Variants in KIF13A observed in about 807,000 individuals in gnomAD.
The protein encoded by KIF13A is kinesin family member 13A, also known as kinesin-like protein KIF13A.
KIF13A carries 79 observed loss-of-function variants against 212.2 expected under a neutral mutation model. That is an observed-to-expected ratio of 0.37 (90% CI 0.31 to 0.45). The LOEUF (loss-of-function observed/expected upper bound fraction) is 0.45. Ranked by LOEUF, KIF13A falls within the 20% of genes least tolerant of loss-of-function variation. KIF13A has a pLI of 1.00. For synonymous variants in KIF13A, 789 were observed against 808.6 expected (o/e 0.98, Z 0.41); for missense variants, 1,901 against 2,209.0 (o/e 0.86, Z 2.79).
intron 17 of KIF13A, among the ~76,000 whole-genome samples, chr6:17,814,449 A>G (rs894289176): frequency 4.9e-5 from 7 of 142,474 alleles, no homozygotes; most frequent in Non-Finnish European, 1.1e-4. Context: ...GGGTTTCACC[A>G]TCTTGGCCAG....
chr6:17,830,184 C>T (rs1268440896), intron 13 of KIF13A, among the ~76,000 whole-genome samples: 1 of 152,162 alleles, frequency 6.6e-6, no homozygotes, highest in Non-Finnish European at 1.5e-5. Context: ...CTGAGAACCC[C>T]CGGGGTCTCT....
intron 25 of KIF13A, among the ~76,000 whole-genome samples, chr6:17,790,258 A>C (rs759628449): frequency 6.6e-6 from 1 of 152,120 alleles, no homozygotes; most frequent in Non-Finnish European, 1.5e-5. Flanking sequence ...TTAAAAAATT[A>C]GCTGGATTTG....
At chr6:17,978,476 T>C (rs1780781245) in intron 2 of KIF13A, among the ~76,000 whole-genome samples, 1 of 152,216 alleles carries the variant, frequency 6.6e-6, no homozygotes, top group Non-Finnish European at 1.5e-5. Context: ...ATTACATCCT[T>C]TGTTGATAGC....
In KIF13A at chr6:17,811,857, CTCTT is replaced by C. The variant is rs775384711; in HGVS notation, c.2001-2931_2001-2928del. Among the ~76,000 whole-genome samples, 40 of 150,936 alleles carry C rather than the reference CTCTT, an allele frequency of 2.7e-4. No individual in the cohort carries two copies. The highest frequency in any genetic ancestry group is 5.2e-4 in the Non-Finnish European group (35 of 67,798). ...TTTTTCTTTCTTTCCTTCTCTCTCTCTCTTTTTCTTGGAGATAGGGTCTCCCTGT... is the reference window on the plus strand; with the variant it reads ...TTTTTCTTTCTTTCCTTCTCTCTCTCTTTCTTGGAGATAGGGTCTCCCTGT... On this transcript the variant is annotated intron_variant, in intron 17 of 38. Transcript: ENST00000259711. The surrounding 1 kb of genome is among the most constrained non-coding windows in gnomAD (Gnocchi z 6.0).
intron 38 of KIF13A, among the ~76,000 whole-genome samples, chr6:17,770,003 C>T (rs970888978): frequency 2.6e-5 from 4 of 152,136 alleles, no homozygotes; most frequent in Non-Finnish European, 5.9e-5. Context: ...CTTCTTTCTT[C>T]ACATTAGGAA....
chr6:17,938,678 G>GT (rs1776685317), intron 2 of KIF13A, among the ~76,000 whole-genome samples: 2 of 152,198 alleles, frequency 1.3e-5, no homozygotes, highest in South Asian at 4.1e-4. Context: ...TCAGAATCTA[G>GT]TATTTCGTTT....
chr6:17,937,746 G>GTTTTTTTTT (rs11401933), intron 2 of KIF13A, among the ~76,000 whole-genome samples: 1 of 135,694 alleles, frequency 7.4e-6, no homozygotes, highest in African/African-American at 2.8e-5. Context: ...TTCCTTTTTT[G>GTTTTTTTTT]TTTTTTTTTT....
rs534549617 is a variant in KIF13A, at chr6:17,794,047, C to A, written c.3222+202G>T. On this transcript the variant is annotated intron_variant, in intron 25 of 38. Transcript: ENST00000259711. The surrounding 1 kb of genome is among the most constrained non-coding windows in gnomAD (Gnocchi z 4.1). ...TAATGACTACTATAGCATTAGGATG[C>A]GTGTGTTTATAAATAAAATTATTAT... 6.6e-6 allele frequency among the ~76,000 whole-genome samples: 1 copy of A among 151,996 alleles called. No homozygotes were observed. Among genetic ancestry groups the A allele is most frequent in the Non-Finnish European group, 1.5e-5 (1 of 68,006 alleles).
At chr6:17,835,195 CAAAAAAAAAAAAAAAAAA>C (rs61697144) in intron 11 of KIF13A, among the ~76,000 whole-genome samples, 207 of 45,904 alleles carry the variant, frequency 4.5e-3, no homozygotes, top group Non-Finnish European at 6.1e-3. Context: ...CCGCCCCCGC[CAAAAAAAAAAAAAAAAAA>C]AAAAAAAAAA....
chr6:17,849,328 C>A lies in KIF13A; in HGVS notation c.830+49G>T. 1 of 1,331,808 alleles carries A rather than the reference C, an allele frequency of 7.5e-7. No homozygotes were observed. Among genetic ancestry groups the A allele is most frequent in the Non-Finnish European group, 1.1e-6 (1 of 939,424 alleles). The allele number at this position is 1,331,808 out of a possible 1,614,324, so 82.5% of individuals were successfully genotyped here. The stretch of plus-strand genomic sequence containing the variant: ...ATCTGACCCTCATAATGCAACAAAT[C>A]CCCTCCAGAAGGAAATCACCCAGGC... On this transcript the variant is annotated intron_variant, in intron 9 of 38. Coordinates refer to ENST00000259711, the MANE Select transcript of KIF13A (RefSeq NM_022113.6). The surrounding 1 kb of genome is among the most constrained non-coding windows in gnomAD (Gnocchi z 5.7).
intron 9 of KIF13A, among the ~76,000 whole-genome samples, chr6:17,842,000 CGT>C (rs56396263): frequency 0.13 from 18,263 of 143,448 alleles, 1,183 homozygotes; most frequent in Middle Eastern, 0.15. Flanking sequence ...TATACACATA[CGT>C]GTGTGTGTGT....
At position 17,828,459 on chromosome 6, in the gene KIF13A, C is replaced by T; in HGVS notation, c.1402-89G>A. 7 of 1,077,414 alleles carry T rather than the reference C, an allele frequency of 6.5e-6. No individual in the cohort carries two copies. Among genetic ancestry groups the T allele is most frequent in the Non-Finnish European group, 9.2e-6 (7 of 758,658 alleles). 66.7% of individuals were successfully genotyped at this position (1,077,414 alleles called of 1,614,324 possible). A position where few individuals can be genotyped will look rare whatever the true frequency, so the allele number is the denominator to read the frequency against. The stretch of plus-strand genomic sequence containing the variant: ...ACAATCAATTTGAATAACGCAGCAG[C>T]ATATGCACAAAAATATTAAACGAAT... On this transcript the variant is annotated intron_variant, in intron 13 of 38. Transcript: ENST00000259711. This position sits in a 1 kb window ranked among gnomAD's most constrained non-coding sequence, Gnocchi z 4.3.
chr6:17,981,522 T>A (rs1370560246), intron 2 of KIF13A, among the ~76,000 whole-genome samples: 32 of 151,434 alleles, frequency 2.1e-4, no homozygotes, highest in Non-Finnish European at 4.0e-4. Context: ...CCTCCCGGGT[T>A]CAAGCATTCC....
At chr6:17,875,976 C>G (rs1484023884) in intron 3 of KIF13A, among the ~76,000 whole-genome samples, 1 of 152,150 alleles carries the variant, frequency 6.6e-6, no homozygotes, top group Non-Finnish European at 1.5e-5. Flanking sequence ...CTTCCAGAGA[C>G]TTTTCAGAAA....
At chr6:17,911,768 A>AT (rs34415921) in intron 2 of KIF13A, among the ~76,000 whole-genome samples, 79,202 of 143,216 alleles carry the variant, frequency 0.55, 22,735 homozygotes, top group Non-Finnish European at 0.65. Flanking sequence ...GTCAATAATA[A>AT]TTTTTTTTTT....
chr6:17,916,568 T>G lies in KIF13A; in HGVS notation c.147-18388A>C, dbSNP rs140304960. Among the ~76,000 whole-genome samples, 1,054 of 152,338 alleles carry G rather than the reference T, an allele frequency of 6.9e-3. 9 individuals carry two copies. The highest frequency in any genetic ancestry group is 0.024 in the African/African-American group (994 of 41,584). ...AACAGCATTTTATTTGAATCTACTA[T>G]TTATGCAGTTAAAAAGAAACAAATC... On this transcript the variant is annotated intron_variant, in intron 2 of 38. Transcript: ENST00000259711.
At chr6:17,846,298 A>G (rs1767048778) in intron 9 of KIF13A, among the ~76,000 whole-genome samples, 1 of 151,948 alleles carries the variant, frequency 6.6e-6, no homozygotes, top group African/African-American at 2.4e-5. Flanking sequence ...TATGTTATTC[A>G]ACGTCTCTAA....
At position 17,875,456 on chromosome 6, in the gene KIF13A, CT is replaced by C. The variant is rs758607280; in HGVS notation, c.160-2020del. Reference sequence around the variant, plus strand: ...CATCAAACTGCTGTTTTTTCTTTTCCTTTTTTTTTTTTTTTTGAGACAGAGT... The same window carrying C: ...CATCAAACTGCTGTTTTTTCTTTTCCTTTTTTTTTTTTTTTGAGACAGAGT... On this transcript the variant is annotated intron_variant, in intron 3 of 38. Transcript: ENST00000259711. 6.2e-3 allele frequency among the ~76,000 whole-genome samples: 855 copies of C among 137,090 alleles called. 4 individuals carry two copies. The highest frequency in any genetic ancestry group is 0.017 in the African/African-American group (627 of 36,844). 89.9% of individuals were successfully genotyped at this position (137,090 alleles called of 152,430 possible).
chr6:17,808,157 G>A (rs532351093), intron 18 of KIF13A, among the ~76,000 whole-genome samples: 5 of 152,306 alleles, frequency 3.3e-5, no homozygotes, highest in South Asian at 4.1e-4. Flanking sequence ...GAGACTGAGC[G>A]TGCAGAACAT....
Sources: allele counts gnomAD v4.1 joint callset (sites outside exome capture counted in the v4.1 genomes callset), GRCh38; gene constraint gnomAD v4.1.1; non-coding constraint Gnocchi (gnomAD v3.1); transcripts MANE v1.5; gene names NCBI Gene and HGNC (gene_info 2026-07-23, HGNC 2026-07-21).